TAFA1: variants seen among roughly 807,000 people sequenced by gnomAD.
TAFA1 encodes TAFA chemokine like family member 1.
A neutral mutation model predicts 18.5 loss-of-function variants in TAFA1; 4 were observed. The ratio of observed to expected loss-of-function variants is 0.22; its 90% CI spans 0.11 to 0.49. The LOEUF (loss-of-function observed/expected upper bound fraction) is 0.49, where lower values mean the gene tolerates loss of function less well. Ranked by LOEUF, TAFA1 falls within the 20% of genes least tolerant of loss-of-function variation. TAFA1 has a pLI of 0.98. For missense variants in TAFA1, 147 were observed against 169.0 expected, an observed-to-expected ratio of 0.87 and a Z score of 0.72; for synonymous variants, 56 against 55.2, an observed-to-expected ratio of 1.01 and a Z score of -0.06.
intron 2 of TAFA1, among the ~76,000 whole-genome samples, chr3:68,084,469 T>C (rs143768648): frequency 1.1e-4 from 17 of 152,088 alleles, no homozygotes; most frequent in African/African-American, 3.6e-4. Context: ...AAAATTCGGG[T>C]TTCACCTCTA....
At position 68,538,899 on chromosome 3, in the gene TAFA1, A is replaced by C; in HGVS notation, c.384+19A>C. On this transcript the variant is annotated intron_variant, in intron 4 of 4. Coordinates refer to ENST00000478136, the MANE Select transcript of TAFA1 (RefSeq NM_213609.4). ...CACGAGAGTAAGTGCACTTATTTCAAATGTATTTTGGATGTTACAGACTGT... is the reference window on the plus strand; with the variant it reads ...CACGAGAGTAAGTGCACTTATTTCACATGTATTTTGGATGTTACAGACTGT... 2.5e-6 allele frequency: 4 copies of C among 1,612,588 alleles called. No homozygotes were observed. Among genetic ancestry groups the C allele is most frequent in the Non-Finnish European group, 3.4e-6 (4 of 1,179,064 alleles).
chr3:68,505,789 C>A (rs1334498377), intron 3 of TAFA1, among the ~76,000 whole-genome samples: 1 of 152,058 alleles, frequency 6.6e-6, no homozygotes, highest in Non-Finnish European at 1.5e-5. Flanking sequence ...TCTTCAAGGC[C>A]AGCAAGAAAA....
chr3:68,182,185 G>A (rs762965510), intron 2 of TAFA1, among the ~76,000 whole-genome samples: 4 of 152,080 alleles, frequency 2.6e-5, no homozygotes, highest in Admixed American at 1.3e-4. Flanking sequence ...CTCCAGCCTG[G>A]GTGACAGAGT....
chr3:68,066,906 G>A (rs1320013455), intron 2 of TAFA1, among the ~76,000 whole-genome samples: 1 of 152,134 alleles, frequency 6.6e-6, no homozygotes, highest in Non-Finnish European at 1.5e-5. Flanking sequence ...CTCTGTCAGG[G>A]TGGGAGAGTG....
upstream of TAFA1, among the ~76,000 whole-genome samples, chr3:68,001,581 T>TG (rs1704284244): frequency 6.9e-6 from 1 of 145,538 alleles, no homozygotes; most frequent in African/African-American, 2.6e-5. Context: ...TTGTTGTTGT[T>TG]TTTTTTTTTT....
At chr3:68,067,220 A>G (rs1200775839) in intron 2 of TAFA1, among the ~76,000 whole-genome samples, 5 of 152,184 alleles carry the variant, frequency 3.3e-5, no homozygotes, top group African/African-American at 4.8e-5. Flanking sequence ...TTCCATGGCT[A>G]TCCTAAATAT....
chr3:68,455,176 T>G (rs1325720857), intron 3 of TAFA1, among the ~76,000 whole-genome samples: 2 of 152,150 alleles, frequency 1.3e-5, no homozygotes, highest in African/African-American at 2.4e-5. Flanking sequence ...ATAAAATTCT[T>G]CATTCTCCTC....
intron 2 of TAFA1, among the ~76,000 whole-genome samples, chr3:68,121,283 GTGTGTGTA>G (rs1374641024): frequency 2.5e-5 from 3 of 117,926 alleles, no homozygotes; most frequent in Non-Finnish European, 5.7e-5. Flanking sequence ...GTGTGTGTGT[GTGTGTGTA>G]TACTATGTAT....
intron 2 of TAFA1, among the ~76,000 whole-genome samples, chr3:68,195,741 C>T (rs1231943436): frequency 1.3e-5 from 2 of 151,602 alleles, no homozygotes; most frequent in Admixed American, 6.6e-5. Flanking sequence ...ATATATCAGG[C>T]CACAGAGATT....
At chr3:68,385,988 C>G (rs545534959) in intron 2 of TAFA1, among the ~76,000 whole-genome samples, 4 of 152,002 alleles carry the variant, frequency 2.6e-5, no homozygotes, top group Non-Finnish European at 5.9e-5. Context: ...AGTGTTAACT[C>G]TGGCCATCCT....
chr3:68,455,475 G>C (rs1413070968), intron 3 of TAFA1, among the ~76,000 whole-genome samples: 1 of 152,178 alleles, frequency 6.6e-6, no homozygotes, highest in African/African-American at 2.4e-5. Flanking sequence ...TAATTGGAAT[G>C]CTTCTGCCAG....
chr3:68,033,486 T>G (rs183150668), intron 2 of TAFA1, among the ~76,000 whole-genome samples: 2 of 152,352 alleles, frequency 1.3e-5, no homozygotes, highest in African/African-American at 4.8e-5. Flanking sequence ...GACATTGATA[T>G]TTTCTTTGCA....
At chr3:68,251,970 G>T (rs1267911151) in intron 2 of TAFA1, among the ~76,000 whole-genome samples, 1 of 152,190 alleles carries the variant, frequency 6.6e-6, no homozygotes, top group Non-Finnish European at 1.5e-5. Context: ...GGTCTATGCA[G>T]TTCCCAAGGC....
intron 3 of TAFA1, among the ~76,000 whole-genome samples, chr3:68,483,507 C>T (rs1270098315): frequency 6.6e-6 from 1 of 152,166 alleles, no homozygotes; most frequent in African/African-American, 2.4e-5. Context: ...TTACCCACTA[C>T]CCTGCTTTAG....
At chr3:68,386,208 T>C (rs2070100286) in intron 2 of TAFA1, among the ~76,000 whole-genome samples, 2 of 152,152 alleles carry the variant, frequency 1.3e-5, no homozygotes, top group Non-Finnish European at 2.9e-5. Context: ...TTATTTTTTA[T>C]ATGAGGAAAC....
rs1013334703 is a variant in TAFA1 at position 68,144,913 on chromosome 3, G to A, written c.118+138169G>A. On this transcript the variant is annotated intron_variant, in intron 2 of 4. Transcript: ENST00000478136. ...ATCAAAAAATTGGAGATAATAATAG[G>A]TCATATCTTAGAGAGTTGTTGTGAT... is the stretch of plus-strand genomic sequence containing the variant. The A allele has an allele frequency of 2.1e-5, 15 of 713,374 alleles. No individual in the cohort carries two copies. In the African/African-American group the frequency reaches 2.3e-4, roughly 11 times the overall value. 44.2% of individuals were successfully genotyped at this position (713,374 alleles called of 1,614,324 possible). A position where few individuals can be genotyped will look rare whatever the true frequency, so the allele number is the denominator to read the frequency against.
intron 3 of TAFA1, among the ~76,000 whole-genome samples, chr3:68,455,174 C>G (rs991661830): frequency 6.6e-6 from 1 of 151,942 alleles, no homozygotes; most frequent in Non-Finnish European, 1.5e-5. Context: ...TCATAAAATT[C>G]TTCATTCTCC....
intron 3 of TAFA1, among the ~76,000 whole-genome samples, chr3:68,455,250 G>T (rs1387449317): frequency 1.3e-5 from 2 of 151,968 alleles, no homozygotes; most frequent in Non-Finnish European, 2.9e-5. Flanking sequence ...CTGTCTCAGG[G>T]GTAGAAAAGG....
intron 2 of TAFA1, among the ~76,000 whole-genome samples, chr3:68,007,275 C>T (rs1704374651): frequency 6.6e-6 from 1 of 152,162 alleles, no homozygotes; most frequent in Admixed American, 6.5e-5. Context: ...TGGCATTTTT[C>T]CCTCTCTTTT....
Sources: gnomAD v4.1 joint callset for allele counts (sites outside exome capture counted in the v4.1 genomes callset) on GRCh38, gnomAD v4.1.1 for gene constraint, MANE v1.5 for transcripts, NCBI Gene and HGNC (gene_info 2026-07-23, HGNC 2026-07-21) for gene names.